DDX11: variants seen among roughly 807,000 people sequenced by gnomAD.
DDX11 encodes ATP-dependent DNA helicase DDX11.
DDX11 carries 72 observed loss-of-function variants against 125.2 expected under a neutral mutation model. The ratio of observed to expected loss-of-function variants is 0.58; its 90% CI spans 0.48 to 0.70. The LOEUF (loss-of-function observed/expected upper bound fraction) is 0.70, where lower values mean the gene tolerates loss of function less well. Ranked by LOEUF, DDX11 falls within the 30% of genes least tolerant of loss-of-function variation. The pLI, the probability that DDX11 is intolerant of heterozygous loss-of-function variation, is 0.00. For synonymous variants in DDX11, 347 were observed against 452.6 expected, an observed-to-expected ratio of 0.77 and a Z score of 2.96; for missense variants, 883 against 1,165.0, an observed-to-expected ratio of 0.76 and a Z score of 3.52.
rs774110663 is a variant in DDX11 at position 31,103,528 on chromosome 12, A to AG, written c.2537-43dup. ...GGGGGTCGCCGTGGGAATGTGCTGT[A>AG]GGGGGGAGGCAGGTGTTGCTCGGAG... is the stretch of plus-strand genomic sequence containing the variant. On this transcript the variant is annotated intron_variant, in intron 25 of 26. Transcript: ENST00000542838. 10 of 1,613,324 alleles carry AG rather than the reference A, an allele frequency of 6.2e-6. No individual in the cohort carries two copies. In the African/African-American group the frequency reaches 9.4e-5, roughly 15 times the overall value.
In DDX11 at chr12:31,099,084, C is replaced by CTTTTTTTTTTTTTTT. The variant is rs763612105; in HGVS notation, c.1875+1094_1875+1108dup. Among the ~76,000 whole-genome samples the CTTTTTTTTTTTTTTT allele has an allele frequency of 3.2e-3, 206 of 63,664 alleles. 2 individuals carry two copies. The highest frequency in any genetic ancestry group is 3.7e-3 in the Non-Finnish European group (139 of 38,064). 41.8% of individuals were successfully genotyped at this position (63,664 alleles called of 152,430 possible). ...CATACTGGTATTTCTTTCTTTCTTT[C>CTTTTTTTTTTTTTTT]TTTTTTTTTTTTTTTTTTTTTGAGA... is the stretch of plus-strand genomic sequence containing the variant. On this transcript the variant is annotated intron_variant, in intron 18 of 26. Transcript: ENST00000542838.
chr12:31,078,003 G>A, intron 1 of DDX11: 4 of 362,516 alleles, frequency 1.1e-5, no homozygotes, highest in Middle Eastern at 9.8e-4. Flanking sequence ...TTGCAGAGAC[G>A]TGGGAGAAGA....
At chr12:31,100,996 C>T (rs759976366) in intron 19 of DDX11, 31 bp from the exon 20 acceptor site, 5 of 1,578,860 alleles carry the variant, frequency 3.2e-6, no homozygotes, top group Non-Finnish European at 4.4e-6. Flanking sequence ...CCTGCATCTC[C>T]AGTTTTCGGC....
chr12:31,082,525 G>A (rs190609822), intron 2 of DDX11, among the ~76,000 whole-genome samples: 26 of 152,222 alleles, frequency 1.7e-4, no homozygotes, highest in African/African-American at 4.1e-4. Context: ...GTAGTCATAC[G>A]AGGTGTTTCA....
rs1432913142 is a variant in DDX11, at chr12:31,084,955, C to A, written c.481-14C>A. 1.9e-6 allele frequency: 3 copies of A among 1,598,980 alleles called. No individual in the cohort carries two copies. The highest frequency in any genetic ancestry group is 2.6e-6 in the Non-Finnish European group (3 of 1,172,058). On this transcript the variant is annotated splice_polypyrimidine_tract_variant and intron_variant, in intron 4 of 26. Coordinates refer to ENST00000542838, the MANE Select transcript of DDX11 (RefSeq NM_030653.4). ...ACTTCTTCCTCCCTCACCACCTCCA[C>A]TACCCCTGTCCAGAGGCAGGAAGAA...
In DDX11 at chr12:31,090,620, C is replaced by T. The variant is rs1359450943; in HGVS notation, c.1089+526C>T. On this transcript the variant is annotated intron_variant, in intron 9 of 26. Transcript: ENST00000542838. ...CTTGATTTTTAAACAGAAGGAAGAA[C>T]TGCTAATGTAGCAGATCAAAAGTAG... Among the ~76,000 whole-genome samples, 5 of 152,222 alleles carry T rather than the reference C, an allele frequency of 3.3e-5. No individual in the cohort carries two copies. In the South Asian group the frequency reaches 8.3e-4, roughly 25 times the overall value.
chr12:31,078,977 G>A (rs780596908), intron 2 of DDX11, among the ~76,000 whole-genome samples: 24 of 152,266 alleles, frequency 1.6e-4, no homozygotes, highest in Non-Finnish European at 3.1e-4. Context: ...ATGAGTCACC[G>A]TGCCCGGCCT....
chr12:31,101,584 C>A (rs559346876), intron 20 of DDX11: 271 of 559,458 alleles, frequency 4.8e-4, no homozygotes, highest in Middle Eastern at 4.8e-3. Context: ...ATAGGGAGGC[C>A]CCCTAGGGAC....
intron 18 of DDX11, among the ~76,000 whole-genome samples, chr12:31,098,449 C>T (rs1945723108): frequency 6.6e-6 from 1 of 152,292 alleles, no homozygotes; most frequent in Non-Finnish European, 1.5e-5. Context: ...GGGTCATAAA[C>T]CCTGTCTCCT....
intron 1 of DDX11, among the ~76,000 whole-genome samples, chr12:31,076,479 G>A (rs1280253850): frequency 9.5e-6 from 1 of 105,556 alleles, no homozygotes; most frequent in East Asian, 5.9e-4. Context: ...ACTTATGCTG[G>A]ATATCTCTTG....
intron 1 of DDX11, among the ~76,000 whole-genome samples, chr12:31,077,713 G>A (rs1200714358): frequency 1.1e-4 from 16 of 152,034 alleles, no homozygotes; most frequent in South Asian, 2.1e-4. Flanking sequence ...GCGTGGTGGC[G>A]GGCACCTGTA....
In DDX11 at chr12:31,089,076, G is replaced by C; in HGVS notation, c.717G>C (p.Leu239=). 1.2e-6 allele frequency: 2 copies of C among 1,613,984 alleles called. No individual in the cohort carries two copies. Among genetic ancestry groups the C allele is most frequent in the Non-Finnish European group, 1.7e-6 (2 of 1,179,852 alleles). ...IYYCSRTHSQ[L]AQFVHEVKKS... The stretch of plus-strand genomic sequence containing the variant: ...ACTGTAGTCGGACACACTCCCAGCT[G>C]GCCCAGTTTGTGCATGAGGTGAAGA... Residue 239 remains leucine, a synonymous_variant, in exon 7 of 27, where the codon CTG becomes CTC. Transcript: ENST00000542838.
At chr12:31,083,331 CAAAA>C (rs933968550) in intron 2 of DDX11, among the ~76,000 whole-genome samples, 1 of 128,724 alleles carries the variant, frequency 7.8e-6, no homozygotes, top group African/African-American at 2.8e-5. Context: ...AAAAACAAAA[CAAAA>C]CACAAACCGT....
intron 18 of DDX11, among the ~76,000 whole-genome samples, 162 bp downstream of exon 18, chr12:31,098,159 C>G (rs1250983911): frequency 6.6e-6 from 1 of 152,144 alleles, no homozygotes; most frequent in East Asian, 1.9e-4. Context: ...GCTATTCTCT[C>G]ACTGCTGTGC....
At chr12:31,078,625 T>C (rs1243590353) in intron 2 of DDX11, 88 bp downstream of exon 2, 101 of 1,602,190 alleles carry the variant, frequency 6.3e-5, no homozygotes, top group Non-Finnish European at 8.4e-5. Flanking sequence ...GAGATTTTCA[T>C]AGTTTGAAGT....
At position 31,102,931 on chromosome 12, in the gene DDX11, C is replaced by A. The variant is rs770108286; in HGVS notation, c.2373-5C>A. On this transcript the variant is annotated splice_polypyrimidine_tract_variant and splice_region_variant and intron_variant, in intron 23 of 26. Coordinates refer to ENST00000542838, the MANE Select transcript of DDX11 (RefSeq NM_030653.4). ...ACCTGCTGGGCTCTTGTCTCCCCCG[C>A]CCAGGTGTGTGGTGATGGTGGGCAT... The A allele has an allele frequency of 6.2e-7, 1 of 1,613,828 alleles. No homozygotes were observed. The highest frequency in any genetic ancestry group is 8.5e-7 in the Non-Finnish European group (1 of 1,179,840).
rs754894730 is a variant in DDX11, at chr12:31,102,546, C to A, written c.2372+19C>A. ...TAGGCCGGTAAGTAGTGGTTCTGCT[C>A]GTCTCCTGGGCCGTGATACATGGCC... On this transcript the variant is annotated intron_variant, in intron 23 of 26. Coordinates refer to ENST00000542838, the MANE Select transcript of DDX11 (RefSeq NM_030653.4). 11 of 1,608,764 alleles carry A rather than the reference C, an allele frequency of 6.8e-6. No homozygotes were observed. The East Asian group carries it at 1.3e-4, about 20-fold the overall frequency.
At chr12:31,092,357 A>G (rs565578821) in intron 10 of DDX11, among the ~76,000 whole-genome samples, 1 of 152,202 alleles carries the variant, frequency 6.6e-6, no homozygotes, top group East Asian at 1.9e-4. Context: ...GGAAACTTGG[A>G]GATTCAAAGA....
chr12:31,096,554 C>T (rs1379153051), intron 15 of DDX11, 83 bp from the exon 16 acceptor site: 1 of 1,586,166 alleles, frequency 6.3e-7, no homozygotes, highest in African/African-American at 1.3e-5. Flanking sequence ...GTGTCTTGGG[C>T]CTGGCAGAGC....
Sources: gnomAD v4.1 joint callset for allele counts (sites outside exome capture counted in the v4.1 genomes callset) on GRCh38, gnomAD v4.1.1 for gene constraint, MANE v1.5 for transcripts, NCBI Gene and HGNC (gene_info 2026-07-23, HGNC 2026-07-21) for gene names.